DENND4C: variants seen among roughly 807,000 people sequenced by gnomAD.
DENND4C encodes DENN domain containing 4C.
A neutral mutation model predicts 203.0 loss-of-function variants in DENND4C; 108 were observed. The observed-to-expected ratio is 0.53, with a 90% CI of 0.46 to 0.62. DENND4C has a LOEUF of 0.62. Ranked by LOEUF, DENND4C falls within the 20% of genes least tolerant of loss-of-function variation. The pLI, the probability that DENND4C is intolerant of heterozygous loss-of-function variation, is 0.00. For synonymous variants in DENND4C, 871 were observed against 792.4 expected (o/e 1.10, Z -1.67); for missense variants, 2,481 against 2,301.2 (o/e 1.08, Z -1.60).
chr9:19,299,656 A>T (rs1188849194), intron 8 of DENND4C, among the ~76,000 whole-genome samples: 1 of 152,164 alleles, frequency 6.6e-6, no homozygotes, highest in Non-Finnish European at 1.5e-5. Flanking sequence ...GGCTTCCTTG[A>T]TGTCTTACCA....
At chr9:19,263,396 A>G (rs56713451) in intron 1 of DENND4C, among the ~76,000 whole-genome samples, 8,228 of 152,088 alleles carry the variant, frequency 0.054, 378 homozygotes, top group African/African-American at 0.12. Flanking sequence ...CACTCTTGTC[A>G]CCCAGGCTAG....
At chr9:19,338,671 T>A (rs1820997524) in intron 20 of DENND4C, among the ~76,000 whole-genome samples, 1 of 152,212 alleles carries the variant, frequency 6.6e-6, no homozygotes, top group Non-Finnish European at 1.5e-5. Flanking sequence ...GTCACTTAGC[T>A]GTTAGGGGCA....
In DENND4C at chr9:19,371,857, T is replaced by A. The variant is rs202202392; in HGVS notation, c.5740+37T>A. On this transcript the variant is annotated intron_variant, in intron 32 of 32. Transcript: ENST00000434457. ...AATAAAAGATTATGAAAGGAAGTTTTACATTTTATTTTCAAAAGTAATTTT... is the reference window on the plus strand; with the variant it reads ...AATAAAAGATTATGAAAGGAAGTTTAACATTTTATTTTCAAAAGTAATTTT... The A allele has an allele frequency of 1.6e-4, 225 of 1,374,122 alleles. No individual in the cohort carries two copies. In the African/African-American group the frequency reaches 3.2e-3, roughly 19 times the overall value. The allele number at this position is 1,374,122 out of a possible 1,614,324, so 85.1% of individuals were successfully genotyped here.
At chr9:19,269,629 A>G (rs1831214934) in intron 1 of DENND4C, among the ~76,000 whole-genome samples, 1 of 152,246 alleles carries the variant, frequency 6.6e-6, no homozygotes, top group East Asian at 1.9e-4. Context: ...TTTAAAATTC[A>G]TCTGATAGGA....
chr9:19,288,792 T>A, intron 4 of DENND4C, 127 bp downstream of exon 4: 1 of 462,794 alleles, frequency 2.2e-6, no homozygotes, highest in Non-Finnish European at 3.5e-6. Flanking sequence ...AAATTATCTA[T>A]AATTTTAGCA....
At chr9:19,276,654 C>T (rs1243825722) in intron 2 of DENND4C, 175 bp downstream of exon 2, 3 of 404,030 alleles carry the variant, frequency 7.4e-6, no homozygotes, top group Non-Finnish European at 1.3e-5. Context: ...CAGTATCCAC[C>T]CTTACTGAAT....
At chr9:19,331,686 A>G (rs1819234370) in intron 16 of DENND4C, among the ~76,000 whole-genome samples, 1 of 152,208 alleles carries the variant, frequency 6.6e-6, no homozygotes, top group Non-Finnish European at 1.5e-5. Flanking sequence ...AAAAGACATG[A>G]GCCATTCTAT....
chr9:19,362,081 C>G, intron 30 of DENND4C, 118 bp downstream of exon 30: 2 of 573,078 alleles, frequency 3.5e-6, no homozygotes, highest in South Asian at 4.0e-5. Context: ...GGAGACCAGG[C>G]TGGCCAACAT....
intron 2 of DENND4C, among the ~76,000 whole-genome samples, chr9:19,280,623 C>G (rs1833860211): frequency 6.6e-6 from 1 of 151,624 alleles, no homozygotes. Flanking sequence ...GTGGTAACCT[C>G]CATGTTAGTT....
Position 19,361,931 on chromosome 9 carries a change from G to T in DENND4C, c.5492G>T (p.Arg1831Ile). 1 of 1,607,808 alleles carries T rather than the reference G, an allele frequency of 6.2e-7. No individual in the cohort carries two copies. Among genetic ancestry groups the T allele is most frequent in the South Asian group, 1.1e-5 (1 of 90,918 alleles). The stretch of plus-strand genomic sequence containing the variant: ...AATATCAACCTTCATCAGGAACCAA[G>T]AGAACCTCTGTATGTCTCATGGAGG... ...WDNINLHQEP[R>I]EPLYVSWRNF... Residue 1831 changes from arginine to isoleucine, a missense_variant, in exon 30 of 33, where the codon AGA becomes ATA. Around this residue, in one of 3 missense-constraint regions of DENND4C, gnomAD observed 2,289 missense variants for 2,113.3 expected, o/e 1.08. Transcript: ENST00000434457.
intron 30 of DENND4C, among the ~76,000 whole-genome samples, chr9:19,366,737 A>G (rs186739046): frequency 6.6e-6 from 1 of 152,364 alleles, no homozygotes; most frequent in East Asian, 1.9e-4. Context: ...GTAAGAGCTA[A>G]AACTATAAAG....
At chr9:19,324,529 A>G (rs1843399136) in intron 13 of DENND4C, 22 bp downstream of exon 13, 1 of 1,588,416 alleles carries the variant, frequency 6.3e-7, no homozygotes, top group African/African-American at 1.4e-5. Context: ...TACTTATACT[A>G]GTGTTTAGAA....
At chr9:19,320,344 G>A (rs561343438) in intron 12 of DENND4C, among the ~76,000 whole-genome samples, 24 of 152,030 alleles carry the variant, frequency 1.6e-4, no homozygotes, top group African/African-American at 2.7e-4. Flanking sequence ...GATTACAGGC[G>A]CGCACCACCA....
chr9:19,339,810 A>G (rs1164280707), intron 20 of DENND4C, among the ~76,000 whole-genome samples: 1 of 152,150 alleles, frequency 6.6e-6, no homozygotes, highest in Non-Finnish European at 1.5e-5. Context: ...CACTGTTTTC[A>G]TATTTAGAAG....
At chr9:19,241,144 A>C (rs1823595990) in intron 1 of DENND4C, among the ~76,000 whole-genome samples, 1 of 152,182 alleles carries the variant, frequency 6.6e-6, no homozygotes, top group South Asian at 2.1e-4. Flanking sequence ...CTAGGATATT[A>C]CTGTGCCCTA....
chr9:19,367,201 G>A (rs1285987711), intron 30 of DENND4C, among the ~76,000 whole-genome samples: 1 of 152,210 alleles, frequency 6.6e-6, no homozygotes, highest in Non-Finnish European at 1.5e-5. Flanking sequence ...ACGAGTTAGT[G>A]AAGATGTGGA....
rs58031665 is a variant in DENND4C at position 19,235,609 on chromosome 9, C to CTTTTTTTTT, written c.-18+4787_-18+4795dup. On this transcript the variant is annotated intron_variant, in intron 1 of 32. Transcript: ENST00000434457. ...ATCTGTTGGTTTACAGAAGAGTCATCTTTTTTTTTTTTTTTTTTTGAGACG... is the reference window on the plus strand; with the variant it reads ...ATCTGTTGGTTTACAGAAGAGTCATCTTTTTTTTTTTTTTTTTTTTTTTTTTTTGAGACG... Among the ~76,000 whole-genome samples the CTTTTTTTTT allele has an allele frequency of 9.2e-5, 11 of 118,940 alleles. 2 individuals are homozygous for CTTTTTTTTT. Among genetic ancestry groups the CTTTTTTTTT allele is most frequent in the Non-Finnish European group, 1.5e-4 (9 of 59,164 alleles). The allele number at this position is 118,940 out of a possible 152,430, so 78.0% of individuals were successfully genotyped here. A position where few individuals can be genotyped will look rare whatever the true frequency, so the allele number is the denominator to read the frequency against.
At position 19,351,492 on chromosome 9, in the gene DENND4C, TCTGA is replaced by T. The variant is rs200083412; in HGVS notation, c.4496-578_4496-575del. ...TAAAATTATAATTCGGTTCTTTTTCTCTGACTTTTTACTGTAAAAATTTAAAATG... is the reference window on the plus strand; with the variant it reads ...TAAAATTATAATTCGGTTCTTTTTCTCTTTTTACTGTAAAAATTTAAAATG... On this transcript the variant is annotated intron_variant, in intron 24 of 32. Coordinates refer to ENST00000434457, the MANE Select transcript of DENND4C (RefSeq NM_001330640.2). 8.5e-3 allele frequency among the ~76,000 whole-genome samples: 1,287 copies of T among 152,246 alleles called. 5 individuals carry two copies. Among genetic ancestry groups the T allele is most frequent in the Middle Eastern group, 0.014 (4 of 294 alleles).
In DENND4C at chr9:19,341,784, C is replaced by A. The variant is rs138943971; in HGVS notation, c.3004+670C>A. 4.4e-3 allele frequency among the ~76,000 whole-genome samples: 669 copies of A among 152,272 alleles called. 3 individuals carry two copies. The highest frequency in any genetic ancestry group is 0.016 in the African/African-American group (646 of 41,558). ...TAATTCTAAAAGGCTCTTTCACTAG[C>A]AGTCCTTCAAATATCTAGGTGCATA... On this transcript the variant is annotated intron_variant, in intron 21 of 32. Transcript: ENST00000434457.
Sources: gnomAD v4.1 joint callset for allele counts (sites outside exome capture counted in the v4.1 genomes callset) on GRCh38, gnomAD v4.1.1 for gene constraint, gnomAD v4.1.1 regional missense constraint, MANE v1.5 for transcripts, NCBI Gene and HGNC (gene_info 2026-07-23, HGNC 2026-07-21) for gene names.